ZNF805: variants seen among roughly 807,000 people sequenced by gnomAD.
ZNF805 encodes zinc finger protein 805.
In ZNF805, 7 loss-of-function variants were observed where a neutral mutation model predicts 13.6. The ratio of observed to expected loss-of-function variants is 0.51; its 90% CI spans 0.29 to 0.97. The LOEUF is 0.97. ZNF805 is among the 50% of genes least tolerant of loss of function. The pLI is 0.08. For synonymous variants in ZNF805, 293 were observed against 279.8 expected (o/e 1.05, Z -0.47); for missense variants, 604 against 771.0 (o/e 0.78, Z 2.57).
rs1395015664 is a variant in ZNF805 at position 57,262,701 on chromosome 19, GATTAAAGAATATGTT to G, written c.*7999_*8013del. On this transcript the variant is annotated 3_prime_UTR_variant, in exon 4 of 4. Coordinates refer to ENST00000414468, the MANE Select transcript of ZNF805 (RefSeq NM_001023563.4). ...TTATCATTAAATGTGGATAATTTGA[GATTAAAGAATATGTT>G]GTTGCAGGCTTAGTCACTTTGATGG... 6.0e-6 allele frequency: 1 copy of G among 167,098 alleles called. No individual in the cohort carries two copies. The highest frequency in any genetic ancestry group is 1.5e-5 in the Non-Finnish European group (1 of 68,114). The allele number at this position is 167,098 out of a possible 1,614,324, so 10.4% of individuals were successfully genotyped here. A position where few individuals can be genotyped will look rare whatever the true frequency, so the allele number is the denominator to read the frequency against.
chr19:57,242,332 G>T (rs1437420177), intron 1 of ZNF805, among the ~76,000 whole-genome samples: 1 of 152,238 alleles, frequency 6.6e-6, no homozygotes, highest in Non-Finnish European at 1.5e-5. Context: ...CACTAGAGAG[G>T]ACTGTGTAGA....
In ZNF805 at chr19:57,254,840, T is replaced by A; in HGVS notation, c.*137T>A. The A allele has an allele frequency of 2.4e-6, 2 of 844,548 alleles. No individual in the cohort carries two copies. The highest frequency in any genetic ancestry group is 5.4e-5 in the East Asian group (2 of 37,204). The allele number at this position is 844,548 out of a possible 1,614,324, so 52.3% of individuals were successfully genotyped here. A position where few individuals can be genotyped will look rare whatever the true frequency, so the allele number is the denominator to read the frequency against. ...GTTATTACGCACTTGGGAAAACCTT[T>A]AGCTCCATCTTTCTCATTAGTTTAC... On this transcript the variant is annotated 3_prime_UTR_variant, in exon 4 of 4. Transcript: ENST00000414468.
At chr19:57,244,917 C>T (rs2087603216) in intron 2 of ZNF805, among the ~76,000 whole-genome samples, 1 of 152,184 alleles carries the variant, frequency 6.6e-6, no homozygotes. Context: ...CCATCTCTCA[C>T]CCACTGCCCA....
rs1372228810 is a variant in ZNF805, at chr19:57,256,647, T to G, written c.*1944T>G. On this transcript the variant is annotated 3_prime_UTR_variant, in exon 4 of 4. Coordinates refer to ENST00000414468, the MANE Select transcript of ZNF805 (RefSeq NM_001023563.4). ...TTATCCTCTTGATGGCAGCAGGATCTGTACTTATGTTCCTTGTTGTATTCT... is the reference window on the plus strand; with the variant it reads ...TTATCCTCTTGATGGCAGCAGGATCGGTACTTATGTTCCTTGTTGTATTCT... 6.6e-6 allele frequency among the ~76,000 whole-genome samples: 1 copy of G among 152,196 alleles called. No individual in the cohort carries two copies. Among genetic ancestry groups the G allele is most frequent in the African/African-American group, 2.4e-5 (1 of 41,460 alleles).
At chr19:57,246,139 C>G (rs1284588089) in intron 2 of ZNF805, among the ~76,000 whole-genome samples, 1 of 152,170 alleles carries the variant, frequency 6.6e-6, no homozygotes, top group East Asian at 1.9e-4. Flanking sequence ...AGGCTCACAG[C>G]CCTGAACAAG....
At position 57,240,694 on chromosome 19, in the gene ZNF805, T is replaced by TG; in HGVS notation, c.-194dup. 1 of 511,704 alleles carries TG rather than the reference T, an allele frequency of 2.0e-6. No individual in the cohort carries two copies. The highest frequency in any genetic ancestry group is 3.5e-6 in the Non-Finnish European group (1 of 289,162). The allele number at this position is 511,704 out of a possible 1,614,324, so 31.7% of individuals were successfully genotyped here. A position where few individuals can be genotyped will look rare whatever the true frequency, so the allele number is the denominator to read the frequency against. ...TCCGTGGCCGCCTCCCTGGCGGCGC[T>TG]GGGGAAATGAGCAGGTAGGAGGCCG... On this transcript the variant is annotated 5_prime_UTR_variant, in exon 1 of 4. Transcript: ENST00000414468.
At position 57,257,482 on chromosome 19, in the gene ZNF805, G is replaced by A. The variant is rs1321022120; in HGVS notation, c.*2779G>A. 2.0e-5 allele frequency among the ~76,000 whole-genome samples: 3 copies of A among 151,904 alleles called. No individual in the cohort carries two copies. Among genetic ancestry groups the A allele is most frequent in the African/African-American group, 7.3e-5 (3 of 41,360 alleles). ...GTTTGCTTAGTATTCTTGGTGTATT[G>A]ACCCTTTTATAATTAAGTAATGTCC... On this transcript the variant is annotated 3_prime_UTR_variant, in exon 4 of 4. Coordinates refer to ENST00000414468, the MANE Select transcript of ZNF805 (RefSeq NM_001023563.4).
At position 57,260,086 on chromosome 19, in the gene ZNF805, T is replaced by C. The variant is rs1042600689; in HGVS notation, c.*5383T>C. Among the ~76,000 whole-genome samples, 1 of 152,244 alleles carries C rather than the reference T, an allele frequency of 6.6e-6. No individual in the cohort carries two copies. The highest frequency in any genetic ancestry group is 2.1e-4 in the South Asian group (1 of 4,830). ...GGTTGTATGTAAAATCCTCCAGCTCTGTAAGCCTTGTTATATCCTCAATGG... is the reference window on the plus strand; with the variant it reads ...GGTTGTATGTAAAATCCTCCAGCTCCGTAAGCCTTGTTATATCCTCAATGG... On this transcript the variant is annotated 3_prime_UTR_variant, in exon 4 of 4. Transcript: ENST00000414468.
chr19:57,241,135 A>G (rs778875831), intron 1 of ZNF805, among the ~76,000 whole-genome samples: 1 of 152,132 alleles, frequency 6.6e-6, no homozygotes. Flanking sequence ...TACATCGATT[A>G]TAGGGCTGTG....
At chr19:57,244,574 T>C (rs539245698) in intron 2 of ZNF805, among the ~76,000 whole-genome samples, 3 of 138,918 alleles carry the variant, frequency 2.2e-5, no homozygotes, top group Non-Finnish European at 3.2e-5. Flanking sequence ...GAGTACTCTT[T>C]GGCTCTCAGC....
At position 57,250,478 on chromosome 19, in the gene ZNF805, C is replaced by T. The variant is rs143248137; in HGVS notation, c.253+1778C>T. Among the ~76,000 whole-genome samples the T allele has an allele frequency of 9.6e-3, 1,468 of 152,274 alleles. 24 individuals are homozygous for T. The highest frequency in any genetic ancestry group is 0.033 in the African/African-American group (1,375 of 41,550). ...AACTCCCGACCTCAGGTGATCTGCC[C>T]GCCTCGGCCTCCCAAAGTGCTGGGA... On this transcript the variant is annotated intron_variant, in intron 3 of 3. Coordinates refer to ENST00000414468, the MANE Select transcript of ZNF805 (RefSeq NM_001023563.4).
At chr19:57,252,992 T>C in intron 3 of ZNF805, 81 bp from the exon 4 acceptor site, 3 of 1,204,294 alleles carry the variant, frequency 2.5e-6, no homozygotes, top group Non-Finnish European at 3.3e-6. Context: ...TATAACTTCA[T>C]TTTTTTTACT....
At chr19:57,243,098 C>T (rs1039772740) in intron 1 of ZNF805, among the ~76,000 whole-genome samples, 1 of 152,150 alleles carries the variant, frequency 6.6e-6, no homozygotes, top group African/African-American at 2.4e-5. Context: ...TTCCTGTAGT[C>T]CCAGCTACTT....
intron 3 of ZNF805, among the ~76,000 whole-genome samples, chr19:57,250,829 T>C (rs1304883633): frequency 6.6e-6 from 1 of 152,242 alleles, no homozygotes; most frequent in Non-Finnish European, 1.5e-5. Context: ...TTTCCCCTGG[T>C]GGAAGAGGTC....
At chr19:57,246,774 CAAAAAAAAAA>C (rs1168593434) in intron 2 of ZNF805, among the ~76,000 whole-genome samples, 3 of 86,250 alleles carry the variant, frequency 3.5e-5, no homozygotes, top group Non-Finnish European at 7.7e-5. Flanking sequence ...GACTTCGTCT[CAAAAAAAAAA>C]AAAAAAAAAG....
intron 2 of ZNF805, among the ~76,000 whole-genome samples, chr19:57,247,364 G>A (rs2087625757): frequency 6.6e-6 from 1 of 152,118 alleles, no homozygotes; most frequent in Admixed American, 6.5e-5. Flanking sequence ...CACCCACTCT[G>A]GTGCTCGTGG....
At position 57,260,417 on chromosome 19, in the gene ZNF805, T is replaced by C. The variant is rs1196416455; in HGVS notation, c.*5714T>C. 6.6e-6 allele frequency among the ~76,000 whole-genome samples: 1 copy of C among 152,162 alleles called. No individual in the cohort carries two copies. The highest frequency in any genetic ancestry group is 2.4e-5 in the African/African-American group (1 of 41,434). On this transcript the variant is annotated 3_prime_UTR_variant, in exon 4 of 4. Coordinates refer to ENST00000414468, the MANE Select transcript of ZNF805 (RefSeq NM_001023563.4). ...TTTACATTTCCTTTTACTCCCCAGA[T>C]ACTACTAAATGGCTTCCACCACCGT...
In ZNF805 at chr19:57,261,428, T is replaced by C. The variant is rs1009680016; in HGVS notation, c.*6725T>C. 2 of 167,086 alleles carry C rather than the reference T, an allele frequency of 1.2e-5. No individual in the cohort carries two copies. Among genetic ancestry groups the C allele is most frequent in the African/African-American group, 2.4e-5 (1 of 41,464 alleles). 10.4% of individuals were successfully genotyped at this position (167,086 alleles called of 1,614,324 possible). A position where few individuals can be genotyped will look rare whatever the true frequency, so the allele number is the denominator to read the frequency against. ...CAGTGTATCCCCCTAATTTCTGTCA[T>C]GTTACTCAAACCAGACACATTGTGG... On this transcript the variant is annotated 3_prime_UTR_variant, in exon 4 of 4. Transcript: ENST00000414468.
At position 57,240,920 on chromosome 19, in the gene ZNF805, A is replaced by G. The variant is rs1016241047; in HGVS notation, c.29A>G (p.Gln10Arg). The G allele has an allele frequency of 1.3e-6, 2 of 1,559,696 alleles. No individual in the cohort carries two copies. The highest frequency in any genetic ancestry group is 1.7e-6 in the Non-Finnish European group (2 of 1,152,182). Residue 10 changes from glutamine to arginine, a missense_variant and splice_region_variant, in exon 1 of 4, where the codon CAG (glutamine) becomes CGG (arginine). Gln to Arg is a conservative substitution (Grantham distance 43). Around this residue, in one of 3 missense-constraint regions of ZNF805, gnomAD observed 327 missense variants for 378.2 expected, o/e 0.86. Coordinates refer to ENST00000414468, the MANE Select transcript of ZNF805 (RefSeq NM_001023563.4). The stretch of plus-strand genomic sequence containing the variant: ...GCGATGGCTTTGACGGACCCGGCGC[A>G]GGTGAGTGGACAAGGTTTCGGCCTT... MAMALTDPA[Q>R]VSVTFDDVAV...
Sources: gnomAD v4.1 joint callset for allele counts (sites outside exome capture counted in the v4.1 genomes callset) on GRCh38, gnomAD v4.1.1 for gene constraint, gnomAD v4.1.1 regional missense constraint, MANE v1.5 for transcripts, NCBI Gene and HGNC (gene_info 2026-07-23, HGNC 2026-07-21) for gene names.